PCBP3: variants seen among roughly 807,000 people sequenced by gnomAD.
PCBP3 encodes the protein poly(rC) binding protein 3, also known as poly(rC)-binding protein 3.
A neutral mutation model predicts 52.7 loss-of-function variants in PCBP3; 25 were observed. The observed-to-expected ratio is 0.47, with a 90% CI of 0.35 to 0.66. The LOEUF (loss-of-function observed/expected upper bound fraction) is 0.66, where lower values mean the gene tolerates loss of function less well. Among genes scored for constraint, PCBP3 ranks in the 30% least tolerant of loss-of-function variants. The pLI is 0.01. For synonymous variants in PCBP3, 162 were observed against 183.0 expected, an observed-to-expected ratio of 0.89 and a Z score of 0.93; for missense variants, 391 against 490.3, an observed-to-expected ratio of 0.80 and a Z score of 1.91.
intron 2 of PCBP3, among the ~76,000 whole-genome samples, chr21:45,722,826 AC>A (rs2084754705): frequency 6.6e-6 from 1 of 151,960 alleles, no homozygotes; most frequent in Non-Finnish European, 1.5e-5. Context: ...CAACGGTGAA[AC>A]ATCGTCTCTA....
intron 10 of PCBP3, among the ~76,000 whole-genome samples, chr21:45,909,712 G>GCCCC (rs879334360): frequency 6.4e-4 from 62 of 96,586 alleles, no homozygotes; most frequent in African/African-American, 2.1e-3. Flanking sequence ...TACGGACCCG[G>GCCCC]CCACCCACTG....
intron 2 of PCBP3, among the ~76,000 whole-genome samples, chr21:45,685,569 A>G (rs935291383): frequency 2.6e-5 from 4 of 152,236 alleles, no homozygotes; most frequent in Non-Finnish European, 5.9e-5. Context: ...CAGACACTGG[A>G]CAACAGGCTG....
At chr21:45,807,252 C>T (rs909134178) in intron 4 of PCBP3, among the ~76,000 whole-genome samples, 7 of 152,218 alleles carry the variant, frequency 4.6e-5, no homozygotes, top group African/African-American at 1.4e-4. Flanking sequence ...CAAATTGTCT[C>T]TGTTTGCAGA....
intron 5 of PCBP3, among the ~76,000 whole-genome samples, chr21:45,857,394 A>G (rs887388187): frequency 1.3e-5 from 2 of 152,186 alleles, no homozygotes; most frequent in African/African-American, 4.8e-5. Flanking sequence ...AAGAAAAAAA[A>G]TCAGAATTGA....
chr21:45,648,596 T>G (rs2079480139), intron 1 of PCBP3, among the ~76,000 whole-genome samples: 1 of 152,222 alleles, frequency 6.6e-6, no homozygotes. Context: ...TAGGCCCAAT[T>G]CCAACCTCAT....
At chr21:45,647,388 GGA>G (rs2079386680) in intron 1 of PCBP3, among the ~76,000 whole-genome samples, 2 of 152,174 alleles carry the variant, frequency 1.3e-5, no homozygotes, top group African/African-American at 4.8e-5. Context: ...TCACCTGTTC[GGA>G]TTGAGGAAGG....
chr21:45,653,032 A>G (rs2079788119), intron 1 of PCBP3, among the ~76,000 whole-genome samples: 1 of 152,180 alleles, frequency 6.6e-6, no homozygotes, highest in African/African-American at 2.4e-5. Context: ...GTAATTTAGA[A>G]GAACGTTTAA....
intron 4 of PCBP3, among the ~76,000 whole-genome samples, chr21:45,826,004 G>T (rs2093297501): frequency 6.6e-6 from 1 of 152,228 alleles, no homozygotes; most frequent in East Asian, 1.9e-4. Flanking sequence ...GGGTGCAGTG[G>T]CTCACGCCTG....
At chr21:45,872,208 C>T (rs770694703) in intron 5 of PCBP3, 1 of 152,234 alleles carries the variant, frequency 6.6e-6, no homozygotes, top group Non-Finnish European at 1.5e-5. Context: ...GGCTTTTTCT[C>T]CATAGCCAGG....
Position 45,899,702 on chromosome 21 carries a change from G to A in PCBP3, c.189+80G>A, listed in dbSNP as rs3746989. ...GGATGGCAGCCTCCCTGGGTACTAG[G>A]TGGCACCCAGTAGGTGCGCCTTTCC... is the stretch of plus-strand genomic sequence containing the variant. On this transcript the variant is annotated intron_variant, in intron 7 of 17. Coordinates refer to ENST00000681687, the MANE Select transcript of PCBP3 (RefSeq NM_001384156.1). The A allele has an allele frequency of 4.1e-4, 440 of 1,060,494 alleles. 8 individuals are homozygous for A. The East Asian group carries it at 0.01, about 25-fold the overall frequency. The allele number at this position is 1,060,494 out of a possible 1,614,324, so 65.7% of individuals were successfully genotyped here.
chr21:45,844,837 T>C (rs2093772595), intron 4 of PCBP3, among the ~76,000 whole-genome samples: 1 of 150,448 alleles, frequency 6.6e-6, no homozygotes. Flanking sequence ...ATAAACTTCA[T>C]ATACGTATAT....
chr21:45,647,090 A>T (rs1400653007), intron 1 of PCBP3, among the ~76,000 whole-genome samples: 1 of 152,210 alleles, frequency 6.6e-6, no homozygotes, highest in African/African-American at 2.4e-5. Context: ...GATAGATGTC[A>T]CTTGTGGTAC....
At chr21:45,708,463 T>A (rs749734989) in intron 2 of PCBP3, among the ~76,000 whole-genome samples, 1 of 152,208 alleles carries the variant, frequency 6.6e-6, no homozygotes, top group African/African-American at 2.4e-5. Flanking sequence ...GCAACACCAC[T>A]GTTTTGCTGC....
intron 2 of PCBP3, among the ~76,000 whole-genome samples, chr21:45,723,522 A>G (rs1206155837): frequency 6.6e-6 from 1 of 152,270 alleles, no homozygotes; most frequent in Non-Finnish European, 1.5e-5. Flanking sequence ...TTCGTAAATC[A>G]TTACAAGTTG....
chr21:45,766,047 T>G lies in PCBP3; in HGVS notation c.-126+10595T>G, dbSNP rs371851533. On this transcript the variant is annotated intron_variant, in intron 4 of 17. Coordinates refer to ENST00000681687, the MANE Select transcript of PCBP3 (RefSeq NM_001384156.1). ...ATGTTGGCACAGTTAAAGCAGCATT[T>G]TCTCCCATGGTCTTGTCTCCTGTGG... Among the ~76,000 whole-genome samples the G allele has an allele frequency of 3.9e-5, 6 of 152,314 alleles. No individual in the cohort carries two copies. In the East Asian group the frequency reaches 9.7e-4, roughly 25 times the overall value.
At chr21:45,935,836 C>T (rs149490915) in intron 16 of PCBP3, among the ~76,000 whole-genome samples, 11 of 152,384 alleles carry the variant, frequency 7.2e-5, no homozygotes, top group African/African-American at 2.4e-4. Context: ...TGTGGCCTTA[C>T]GAGCTCCCCT....
chr21:45,658,655 T>C (rs965430372), intron 1 of PCBP3, among the ~76,000 whole-genome samples: 74 of 152,182 alleles, frequency 4.9e-4, no homozygotes, highest in Non-Finnish European at 1.2e-4. Context: ...TCTATAGTTT[T>C]CTTGTGATCT....
At chr21:45,934,488 A>G (rs557132728) in intron 15 of PCBP3, among the ~76,000 whole-genome samples, 7 of 152,354 alleles carry the variant, frequency 4.6e-5, no homozygotes, top group African/African-American at 7.2e-5. Context: ...TTGATGATCA[A>G]TTAGACCCAT....
rs888909873 is a variant in PCBP3, at chr21:45,781,939, T to C, written c.-126+26487T>C. Among the ~76,000 whole-genome samples, 3 of 152,360 alleles carry C rather than the reference T, an allele frequency of 2.0e-5. No individual in the cohort carries two copies. The East Asian group carries it at 5.8e-4, about 29-fold the overall frequency. On this transcript the variant is annotated intron_variant, in intron 4 of 17. Transcript: ENST00000681687. ...TATAAATGGAAATGCACAATATATA[T>C]ACTTACGATTTTTGGTCTGGCTATT... is the stretch of plus-strand genomic sequence containing the variant.
Sources: gnomAD v4.1 joint callset for allele counts (sites outside exome capture counted in the v4.1 genomes callset) on GRCh38, gnomAD v4.1.1 for gene constraint, MANE v1.5 for transcripts, NCBI Gene and HGNC (gene_info 2026-07-23, HGNC 2026-07-21) for gene names.